AMBRA1: variants seen among roughly 807,000 people sequenced by gnomAD.
The protein encoded by AMBRA1 is autophagy and beclin 1 regulator 1, also known as activating molecule in BECN1-regulated autophagy protein 1.
AMBRA1 carries 47 observed loss-of-function variants against 125.4 expected under a neutral mutation model. That is an observed-to-expected ratio of 0.37 (90% CI 0.30 to 0.48). The LOEUF is 0.48. Among genes scored for constraint, AMBRA1 ranks in the 20% least tolerant of loss-of-function variants. AMBRA1 has a pLI of 0.99. For missense variants in AMBRA1, 1,331 were observed against 1,693.4 expected (o/e 0.79, Z 3.76); for synonymous variants, 626 against 655.5 (o/e 0.95, Z 0.69).
intron 11 of AMBRA1, among the ~76,000 whole-genome samples, chr11:46,444,268 C>T (rs1948168278): frequency 1.3e-5 from 2 of 152,168 alleles, no homozygotes; most frequent in African/African-American, 4.8e-5. Context: ...TTTTATAATA[C>T]CTACCCCCTA....
chr11:46,520,486 C>T (rs1267817064), intron 7 of AMBRA1, among the ~76,000 whole-genome samples: 1 of 152,050 alleles, frequency 6.6e-6, no homozygotes, highest in African/African-American at 2.4e-5. Flanking sequence ...CTGGAAAGTT[C>T]CTCTTCCTTA....
rs958703115 is a variant in AMBRA1, at chr11:46,542,866, C to T, written c.1151G>A (p.Arg384His). The T allele has an allele frequency of 1.1e-5, 18 of 1,613,158 alleles. No individual in the cohort carries two copies. Among genetic ancestry groups the T allele is most frequent in the Non-Finnish European group, 1.4e-5 (16 of 1,179,926 alleles). ...GCGGGTAGGACCCAGACTGAGGTTG[C>T]GGAGCGTGTTGCCGGCAGTGCTGCT... The part of the protein sequence containing the change: ...VQSSTAGNTL[R>H]NLSLGPTRRS... Residue 384 changes from arginine (R) to histidine (H), a missense_variant, in exon 7 of 18, where the codon CGC (arginine) becomes CAC (histidine). By Grantham distance (29) the Arg-to-His change is conservative. Coordinates refer to ENST00000683756, the MANE Select transcript of AMBRA1 (RefSeq NM_001387011.1). The surrounding 1 kb of genome is among the most constrained non-coding windows in gnomAD (Gnocchi z 5.9).
chr11:46,459,773 C>T lies in AMBRA1; in HGVS notation c.2522-16175G>A, dbSNP rs570850150. Among the ~76,000 whole-genome samples the T allele has an allele frequency of 6.7e-5, 10 of 149,558 alleles. No homozygotes were observed. The South Asian group carries it at 2.1e-3, about 31-fold the overall frequency. ...ACACACACACACACACACACACACA[C>T]ACCCTGGAATACCACAGAGAAGTAA... is the stretch of plus-strand genomic sequence containing the variant. On this transcript the variant is annotated intron_variant, in intron 11 of 17. Coordinates refer to ENST00000683756, the MANE Select transcript of AMBRA1 (RefSeq NM_001387011.1).
intron 8 of AMBRA1, among the ~76,000 whole-genome samples, chr11:46,511,206 T>A (rs569640364): frequency 5.9e-5 from 9 of 152,218 alleles, no homozygotes; most frequent in Non-Finnish European, 1.2e-4. Context: ...ATCTCAGTGC[T>A]TCAAAGTAAT....
At chr11:46,501,899 T>C (rs184383345) in intron 9 of AMBRA1, among the ~76,000 whole-genome samples, 19 of 152,330 alleles carry the variant, frequency 1.2e-4, no homozygotes, top group Non-Finnish European at 2.4e-4. Context: ...GTAGTTTCGC[T>C]TAAGTTACAG....
chr11:46,425,098 C>T (rs1379699859), intron 14 of AMBRA1, among the ~76,000 whole-genome samples: 1 of 152,188 alleles, frequency 6.6e-6, no homozygotes, highest in Non-Finnish European at 1.5e-5. Context: ...CACGCCACTG[C>T]ACTCCAGCCT....
chr11:46,449,099 A>T (rs1291121925), intron 11 of AMBRA1, among the ~76,000 whole-genome samples: 4 of 152,210 alleles, frequency 2.6e-5, no homozygotes, highest in Non-Finnish European at 5.9e-5. Flanking sequence ...ATGGTGAGGA[A>T]CTAGATACTT....
chr11:46,504,686 C>A (rs941443079), intron 9 of AMBRA1: 1 of 152,206 alleles, frequency 6.6e-6, no homozygotes, highest in Non-Finnish European at 1.5e-5. Flanking sequence ...CACAAAAGAA[C>A]AGAAAATTTA....
At chr11:46,525,650 C>G (rs1951936492) in intron 7 of AMBRA1, among the ~76,000 whole-genome samples, 1 of 151,996 alleles carries the variant, frequency 6.6e-6, no homozygotes, top group Non-Finnish European at 1.5e-5. Context: ...ACTCTGGTGG[C>G]TGAGGCAGAA....
At chr11:46,494,440 T>G in intron 9 of AMBRA1, 1 of 446,874 alleles carries the variant, frequency 2.2e-6, no homozygotes, top group Admixed American at 3.2e-5. Context: ...AGGATTTTTC[T>G]TGAGTTAATG....
At chr11:46,571,205 T>C (rs1044806024) in intron 1 of AMBRA1, among the ~76,000 whole-genome samples, 13 of 152,298 alleles carry the variant, frequency 8.5e-5, no homozygotes, top group African/African-American at 3.1e-4. Context: ...TCTATACAAA[T>C]CACTCAGTAA....
At chr11:46,463,750 G>A (rs746744995) in intron 11 of AMBRA1, among the ~76,000 whole-genome samples, 39 of 152,132 alleles carry the variant, frequency 2.6e-4, no homozygotes, top group Non-Finnish European at 4.6e-4. Context: ...CACAGTACTC[G>A]GGGCCCTAAG....
At chr11:46,457,666 C>T (rs1477566555) in intron 11 of AMBRA1, among the ~76,000 whole-genome samples, 1 of 152,108 alleles carries the variant, frequency 6.6e-6, no homozygotes, top group Admixed American at 6.5e-5. Flanking sequence ...TTTGGAAGGC[C>T]AAGGCAGGCA....
In AMBRA1 at chr11:46,590,189, G is replaced by A. The variant is rs987950488; in HGVS notation, c.-121+3639C>T. ...AGATAGAGACCATCCTGGCCAACAC[G>A]GTGAAACCCCATTTCTACTAAAATA... On this transcript the variant is annotated intron_variant, in intron 1 of 17. Transcript: ENST00000683756. Among the ~76,000 whole-genome samples the A allele has an allele frequency of 3.4e-4, 51 of 151,902 alleles. No individual in the cohort carries two copies. In the East Asian group the frequency reaches 5.5e-3, roughly 16 times the overall value.
chr11:46,561,731 G>A (rs1341499972), intron 1 of AMBRA1, among the ~76,000 whole-genome samples: 1 of 152,166 alleles, frequency 6.6e-6, no homozygotes, highest in African/African-American at 2.4e-5. Context: ...AAGAAAAGAA[G>A]TCAAATTATT....
Position 46,450,531 on chromosome 11 carries a change from C to A in AMBRA1, c.2522-6933G>T, listed in dbSNP as rs115845226. On this transcript the variant is annotated intron_variant, in intron 11 of 17. Transcript: ENST00000683756. ...CACGGCTCACGGAAGCCTCAATTTT[C>A]TGGGCTCAGATGATCCTCCCACCTC... 2.0e-3 allele frequency among the ~76,000 whole-genome samples: 300 copies of A among 151,686 alleles called. 1 individual carries two copies. The highest frequency in any genetic ancestry group is 6.5e-3 in the African/African-American group (270 of 41,314).
chr11:46,434,226 T>C (rs1947602501), intron 13 of AMBRA1, among the ~76,000 whole-genome samples: 1 of 151,992 alleles, frequency 6.6e-6, no homozygotes, highest in African/African-American at 2.4e-5. Context: ...GAAACCCACC[T>C]TTTTCATTTA....
chr11:46,469,210 A>G (rs1171095612), intron 11 of AMBRA1, among the ~76,000 whole-genome samples: 1 of 152,208 alleles, frequency 6.6e-6, no homozygotes, highest in Non-Finnish European at 1.5e-5. Flanking sequence ...AGTTATATCT[A>G]TATCTAACGT....
At chr11:46,493,270 A>G (rs1190227257) in intron 11 of AMBRA1, among the ~76,000 whole-genome samples, 1 of 152,200 alleles carries the variant, frequency 6.6e-6, no homozygotes, top group East Asian at 1.9e-4. Flanking sequence ...GCTCATGAGT[A>G]TCTCACCAAC....
Sources: allele counts gnomAD v4.1 joint callset (sites outside exome capture counted in the v4.1 genomes callset), GRCh38; gene constraint gnomAD v4.1.1; non-coding constraint Gnocchi (gnomAD v3.1); transcripts MANE v1.5; gene names NCBI Gene and HGNC (gene_info 2026-07-23, HGNC 2026-07-21).